Variants in DIPK1A observed in about 807,000 individuals in gnomAD.
DIPK1A encodes divergent protein kinase domain 1A.
A neutral mutation model predicts 40.8 loss-of-function variants in DIPK1A; 27 were observed. That is an observed-to-expected ratio of 0.66 (90% CI 0.49 to 0.91). DIPK1A has a LOEUF of 0.91. Among genes scored for constraint, DIPK1A ranks in the 40% least tolerant of loss-of-function variants. DIPK1A has a pLI of 0.00. For missense variants in DIPK1A, 412 were observed against 505.7 expected (o/e 0.81, Z 1.78); for synonymous variants, 166 against 171.3 (o/e 0.97, Z 0.24).
At chr1:92,914,597 C>T (rs573329102) in intron 1 of DIPK1A, among the ~76,000 whole-genome samples, 4 of 151,592 alleles carry the variant, frequency 2.6e-5, no homozygotes, top group African/African-American at 9.7e-5. Context: ...GGTGAAACCC[C>T]GTCTCTACTA....
chr1:92,856,187 T>C (rs1571061198), intron 2 of DIPK1A, among the ~76,000 whole-genome samples: 1 of 152,090 alleles, frequency 6.6e-6, no homozygotes, highest in Middle Eastern at 3.4e-3. Flanking sequence ...CAAACATTAT[T>C]AGGAAAGAAA....
In DIPK1A at chr1:92,887,943, T is replaced by A. The variant is rs552432502; in HGVS notation, c.55-11513A>T. ...ATAAATAGTTACCTGAGTTTTTTTT[T>A]AAATTAGGTAAGAATTTATTAAATA... On this transcript the variant is annotated intron_variant, in intron 1 of 4. Transcript: ENST00000370310. Among the ~76,000 whole-genome samples, 7 of 152,112 alleles carry A rather than the reference T, an allele frequency of 4.6e-5. No individual in the cohort carries two copies. The South Asian group carries it at 1.2e-3, about 27-fold the overall frequency.
chr1:92,863,914 G>T (rs374276571), intron 2 of DIPK1A, among the ~76,000 whole-genome samples: 2 of 152,018 alleles, frequency 1.3e-5, no homozygotes, highest in African/African-American at 4.8e-5. Flanking sequence ...AAAATTAGCC[G>T]GGTGTGGTGG....
downstream of DIPK1A, chr1:92,837,321 C>G: frequency 2.5e-6 from 2 of 804,590 alleles, no homozygotes; most frequent in Non-Finnish European, 4.5e-6. Context: ...ACTGAGCAGT[C>G]AGTAGTTGGT....
chr1:92,933,882 T>C (rs1359791732), intron 1 of DIPK1A: 1 of 152,240 alleles, frequency 6.6e-6, no homozygotes, highest in African/African-American at 2.4e-5. Context: ...GTCTGATGTT[T>C]AAAGAAGATT....
At position 92,850,410 on chromosome 1, in the gene DIPK1A, G is replaced by A. The variant is rs2774942; in HGVS notation, c.297+438C>T. On this transcript the variant is annotated intron_variant, in intron 3 of 4. Coordinates refer to ENST00000370310, the MANE Select transcript of DIPK1A (RefSeq NM_001006605.5). The stretch of plus-strand genomic sequence containing the variant: ...AATATCTTTTGACTGGCCAGGTGTG[G>A]TGGCTGACATCTATAATCCCAGCAC... Among the ~76,000 whole-genome samples the A allele has an allele frequency of 4.4e-3, 677 of 152,334 alleles. 5 individuals carry two copies. The highest frequency in any genetic ancestry group is 0.016 in the African/African-American group (645 of 41,570).
At chr1:92,902,899 G>A (rs929821244) in intron 1 of DIPK1A, among the ~76,000 whole-genome samples, 1 of 152,138 alleles carries the variant, frequency 6.6e-6, no homozygotes, top group Non-Finnish European at 1.5e-5. Flanking sequence ...TGATGACCAC[G>A]AGGGGCTTCT....
chr1:92,937,447 G>A (rs746041457), intron 1 of DIPK1A, among the ~76,000 whole-genome samples: 2 of 152,102 alleles, frequency 1.3e-5, no homozygotes, highest in Non-Finnish European at 2.9e-5. Context: ...CTTTCAATTT[G>A]TGGGGATCAC....
intron 1 of DIPK1A, among the ~76,000 whole-genome samples, chr1:92,901,868 A>T (rs1476821730): frequency 1.3e-5 from 2 of 152,124 alleles, no homozygotes; most frequent in Non-Finnish European, 2.9e-5. Context: ...GAAGCAGGGT[A>T]CTAAAGTTGT....
chr1:92,850,803 T>TA (rs1350426318), intron 3 of DIPK1A, 45 bp downstream of exon 3: 1 of 1,197,880 alleles, frequency 8.3e-7, no homozygotes, highest in Admixed American at 2.6e-5. Context: ...CTGGTAAAAT[T>TA]AGAGTACACT....
At chr1:92,951,002 T>A (rs1226120774) in intron 1 of DIPK1A, among the ~76,000 whole-genome samples, 1 of 152,194 alleles carries the variant, frequency 6.6e-6, no homozygotes, top group Non-Finnish European at 1.5e-5. Context: ...TCTATAGATA[T>A]CCACCAACAT....
At chr1:92,882,416 A>G (rs1648420460) in intron 1 of DIPK1A, among the ~76,000 whole-genome samples, 2 of 152,112 alleles carry the variant, frequency 1.3e-5, no homozygotes, top group African/African-American at 2.4e-5. Context: ...AAACCCCCAG[A>G]ATTTTCTAAC....
At chr1:92,881,996 C>T (rs990577647) in intron 1 of DIPK1A, among the ~76,000 whole-genome samples, 1 of 152,108 alleles carries the variant, frequency 6.6e-6, no homozygotes. Context: ...ATCTTTTTAA[C>T]TGTAAAATAT....
At position 92,844,212 on chromosome 1, in the gene DIPK1A, T is replaced by A; in HGVS notation, c.475-17A>T. ...CAATTTTGCCTGTCAAGAATTTGGC[T>A]AGTTACACAGAAGGAATGAAAAATA... is the stretch of plus-strand genomic sequence containing the variant. On this transcript the variant is annotated splice_polypyrimidine_tract_variant and intron_variant, in intron 4 of 4. Coordinates refer to ENST00000370310, the MANE Select transcript of DIPK1A (RefSeq NM_001006605.5). 6.6e-7 allele frequency: 1 copy of A among 1,504,906 alleles called. No homozygotes were observed. 93.2% of individuals were successfully genotyped at this position (1,504,906 alleles called of 1,614,324 possible). A position where few individuals can be genotyped will look rare whatever the true frequency, so the allele number is the denominator to read the frequency against.
chr1:92,960,991 C>T (rs1293349374), intron 1 of DIPK1A, among the ~76,000 whole-genome samples: 1 of 152,218 alleles, frequency 6.6e-6, no homozygotes, highest in Non-Finnish European at 1.5e-5. Flanking sequence ...GGGGGAAAGC[C>T]CCGAAAACAC....
intron 4 of DIPK1A, chr1:92,833,813 C>A: frequency 1.5e-6 from 1 of 647,960 alleles, no homozygotes; most frequent in Non-Finnish European, 2.7e-6. Context: ...AGAATTGGAA[C>A]CTGGGAACTT....
At chr1:92,891,524 G>A (rs183336848) in intron 1 of DIPK1A, among the ~76,000 whole-genome samples, 21 of 151,950 alleles carry the variant, frequency 1.4e-4, no homozygotes, top group East Asian at 5.8e-4. Flanking sequence ...AAAAAATTTC[G>A]GGGTGGAGCC....
At position 92,949,558 on chromosome 1, in the gene DIPK1A, T is replaced by C. The variant is rs572513674; in HGVS notation, c.54+11818A>G. Among the ~76,000 whole-genome samples, 5 of 152,348 alleles carry C rather than the reference T, an allele frequency of 3.3e-5. No individual in the cohort carries two copies. The South Asian group carries it at 1.0e-3, about 32-fold the overall frequency. On this transcript the variant is annotated intron_variant, in intron 1 of 4. Transcript: ENST00000370310. ...TCCCAAAGTGCTAGGATTACAAGCA[T>C]GAGCCACTGTGCCCAGCAATAATTT...
intron 1 of DIPK1A, among the ~76,000 whole-genome samples, chr1:92,887,303 G>A (rs1180732716): frequency 1.3e-5 from 2 of 150,388 alleles, no homozygotes; most frequent in Admixed American, 1.3e-4. Flanking sequence ...GCATGTGTCT[G>A]TAATCCTAGC....
Sources: gnomAD v4.1 joint callset for allele counts (sites outside exome capture counted in the v4.1 genomes callset) on GRCh38, gnomAD v4.1.1 for gene constraint, MANE v1.5 for transcripts, NCBI Gene and HGNC (gene_info 2026-07-23, HGNC 2026-07-21) for gene names.